The following CDH3 variants were observed in gnomAD, a reference collection of about 807,000 sequenced individuals.
CDH3 encodes cadherin-3.
In CDH3, 54 loss-of-function variants were observed where a neutral mutation model predicts 82.0. That is an observed-to-expected ratio of 0.66 (90% CI 0.53 to 0.83). The LOEUF is 0.83. Ranked by LOEUF, CDH3 falls within the 40% of genes least tolerant of loss-of-function variation. The pLI is 0.00. For synonymous variants in CDH3, 446 were observed against 437.9 expected (o/e 1.02, Z -0.23); for missense variants, 1,054 against 1,084.6 (o/e 0.97, Z 0.40).
chr16:68,666,530 T>C (rs928115591), intron 2 of CDH3, among the ~76,000 whole-genome samples: 11 of 151,996 alleles, frequency 7.2e-5, no homozygotes, highest in Admixed American at 1.3e-4. Flanking sequence ...CCCACCCCAC[T>C]TTGCTGCCCT....
chr16:68,684,538 C>T (rs2152102562), intron 9 of CDH3, 45 bp from the exon 10 acceptor site: 3 of 1,613,324 alleles, frequency 1.9e-6, no homozygotes, highest in Non-Finnish European at 2.5e-6. Context: ...CACAGGACCT[C>T]CTCTCAAAAT....
downstream of CDH3, among the ~76,000 whole-genome samples, chr16:68,705,044 A>G (rs144652098): frequency 6.3e-3 from 967 of 152,310 alleles, 19 homozygotes; most frequent in African/African-American, 0.022. Flanking sequence ...CCTGGGTGAC[A>G]GAACAAGACC....
At chr16:68,647,570 C>T (rs1960112201) in intron 2 of CDH3, among the ~76,000 whole-genome samples, 1 of 152,082 alleles carries the variant, frequency 6.6e-6, no homozygotes, top group Admixed American at 6.6e-5. Flanking sequence ...CAACAAAGGA[C>T]GGGTTAATGC....
At chr16:68,647,404 G>A (rs1279896106) in intron 2 of CDH3, among the ~76,000 whole-genome samples, 1 of 152,304 alleles carries the variant, frequency 6.6e-6, no homozygotes, top group African/African-American at 2.4e-5. Context: ...TTGGGGGGAA[G>A]CAGTGATCAG....
intron 2 of CDH3, among the ~76,000 whole-genome samples, chr16:68,660,107 C>CAGT (rs1960519747): frequency 6.6e-6 from 1 of 152,148 alleles, no homozygotes; most frequent in Non-Finnish European, 1.5e-5. Flanking sequence ...ATCTAACTAT[C>CAGT]AGTAATTGCC....
chr16:68,674,852 C>A (rs757063756), intron 2 of CDH3, among the ~76,000 whole-genome samples: 1 of 152,184 alleles, frequency 6.6e-6, no homozygotes, highest in Non-Finnish European at 1.5e-5. Context: ...CAGTGGCTCA[C>A]GCCTGTAATC....
Position 68,674,038 on chromosome 16 carries a change from G to A in CDH3, c.161-2347G>A, listed in dbSNP as rs76036872. Among the ~76,000 whole-genome samples, 734 of 152,262 alleles carry A rather than the reference G, an allele frequency of 4.8e-3. 4 individuals carry two copies. Among genetic ancestry groups the A allele is most frequent in the African/African-American group, 0.017 (706 of 41,544 alleles). On this transcript the variant is annotated intron_variant, in intron 2 of 15. Transcript: ENST00000264012. ...TGTTTGAATCCTTTTGGTTCTTTCA[G>A]GTATATACCTAGGCATTGAATTGCT...
At chr16:68,721,454 G>A (rs1427900383) in intron 1 of CDH3, among the ~76,000 whole-genome samples, 2 of 151,742 alleles carry the variant, frequency 1.3e-5, no homozygotes, top group African/African-American at 2.4e-5. Flanking sequence ...GGCTGGTCTC[G>A]AACTCCTAAC....
At chr16:68,661,051 A>G (rs1960561349) in intron 2 of CDH3, among the ~76,000 whole-genome samples, 2 of 152,138 alleles carry the variant, frequency 1.3e-5, no homozygotes, top group Admixed American at 1.3e-4. Flanking sequence ...ATACATGTGA[A>G]GTGTATGTAT....
chr16:68,698,371 G>C lies in CDH3; in HGVS notation c.2461G>C (p.Asp821His), dbSNP rs1961810609. ...GGGCAGCCGCTTCAAGAAGCTGGCA[G>C]ACATGTACGGTGGCGGGGAGGACGA... is the stretch of plus-strand genomic sequence containing the variant. ...EWGSRFKKLA[D>H]MYGGGEDD Residue 821 changes from aspartate to histidine, a missense_variant, in exon 16 of 16, where the codon GAC becomes CAC. Physicochemically the swap from Asp to His is moderately conservative, Grantham distance 81. Transcript: ENST00000264012. The C allele has an allele frequency of 1.2e-6, 2 of 1,614,114 alleles. No individual in the cohort carries two copies. Among genetic ancestry groups the C allele is most frequent in the African/African-American group, 1.3e-5 (1 of 74,952 alleles).
At chr16:68,730,474 C>T (rs1394142588), downstream of CDH3, among the ~76,000 whole-genome samples, 6 of 151,708 alleles carry the variant, frequency 4.0e-5, no homozygotes, top group Non-Finnish European at 8.8e-5. Flanking sequence ...TGCGTTGAGC[C>T]GAGATCACGT....
intron 2 of CDH3, among the ~76,000 whole-genome samples, chr16:68,673,501 CT>C (rs1318551022): frequency 1.3e-5 from 2 of 148,452 alleles, no homozygotes; most frequent in African/African-American, 5.0e-5. Context: ...AGAAAAGGGT[CT>C]TGCTGGAGTA....
chr16:68,660,883 C>T (rs916696602), intron 2 of CDH3, among the ~76,000 whole-genome samples: 3 of 151,498 alleles, frequency 2.0e-5, no homozygotes, highest in Non-Finnish European at 2.9e-5. Context: ...GGCGTGAACC[C>T]GGGAGGCAGA....
At chr16:68,650,186 G>A (rs528154227) in intron 2 of CDH3, among the ~76,000 whole-genome samples, 1 of 152,310 alleles carries the variant, frequency 6.6e-6, no homozygotes, top group South Asian at 2.1e-4. Flanking sequence ...CCTAGAGAAA[G>A]CCGGCCACTC....
In CDH3 at chr16:68,645,403, C is replaced by T. The variant is rs1398592030; in HGVS notation, c.24C>T (p.Leu8=). Residue 8 remains leucine (L), a synonymous_variant, in exon 1 of 16, where the codon CTC becomes CTT. Transcript: ENST00000264012. Reference sequence around the variant, plus strand: ...CCATGGGGCTCCCTCGTGGACCTCTCGCGTCTCTCCTCCTTCTCCAGGTAC... The same window carrying T: ...CCATGGGGCTCCCTCGTGGACCTCTTGCGTCTCTCCTCCTTCTCCAGGTAC... MGLPRGP[L]ASLLLLQVCW... 1.2e-6 allele frequency: 2 copies of T among 1,613,462 alleles called. No homozygotes were observed. Among genetic ancestry groups the T allele is most frequent in the Non-Finnish European group, 1.7e-6 (2 of 1,179,754 alleles).
chr16:68,668,776 T>A (rs1960808764), intron 2 of CDH3, among the ~76,000 whole-genome samples: 1 of 152,160 alleles, frequency 6.6e-6, no homozygotes, highest in East Asian at 1.9e-4. Context: ...TGAGAGAGAA[T>A]TTTTCGATGG....
At chr16:68,731,784 G>A (rs1962296138), downstream of CDH3, among the ~76,000 whole-genome samples, 1 of 151,980 alleles carries the variant, frequency 6.6e-6, no homozygotes, top group South Asian at 2.1e-4. Flanking sequence ...GCTGCAGTGA[G>A]CCGAGATTGG....
chr16:68,725,539 T>G (rs1373365113), intron 2 of CDH3, among the ~76,000 whole-genome samples: 2 of 151,894 alleles, frequency 1.3e-5, no homozygotes, highest in African/African-American at 2.4e-5. Context: ...TTCACCATGT[T>G]AGCCAGGATG....
chr16:68,702,282 C>G (rs2152108908), downstream of CDH3, among the ~76,000 whole-genome samples: 1 of 152,234 alleles, frequency 6.6e-6, no homozygotes, highest in Non-Finnish European at 1.5e-5. Flanking sequence ...TATTTAATGT[C>G]ACCACAATCC....
Sources: allele counts gnomAD v4.1 joint callset (sites outside exome capture counted in the v4.1 genomes callset), GRCh38; gene constraint gnomAD v4.1.1; transcripts MANE v1.5; gene names NCBI Gene and HGNC (gene_info 2026-07-23, HGNC 2026-07-21).